UNC13C: variants seen among roughly 807,000 people sequenced by gnomAD.
UNC13C encodes unc-13 homolog C, also known as protein unc-13 homolog C.
In UNC13C, 174 loss-of-function variants were observed where a neutral mutation model predicts 245.4. The observed-to-expected ratio is 0.71, with a 90% CI of 0.63 to 0.80. UNC13C has a LOEUF of 0.80. UNC13C is among the 30% of genes least tolerant of loss of function. UNC13C has a pLI of 0.00. For missense variants in UNC13C, 2,829 were observed against 2,602.9 expected (o/e 1.09, Z -1.89); for synonymous variants, 992 against 895.1 (o/e 1.11, Z -1.93).
At chr15:54,500,394 A>G (rs1894153141) in intron 21 of UNC13C, among the ~76,000 whole-genome samples, 1 of 151,042 alleles carries the variant, frequency 6.6e-6, no homozygotes, top group Non-Finnish European at 1.5e-5. Context: ...TTTTCCCAAG[A>G]TTTTCTTTAA....
At chr15:54,612,363 T>C (rs1037492596) in intron 30 of UNC13C, among the ~76,000 whole-genome samples, 7 of 152,054 alleles carry the variant, frequency 4.6e-5, no homozygotes, top group Non-Finnish European at 1.0e-4. Flanking sequence ...TGTCTATTTC[T>C]TTCTTCATTT....
At chr15:54,408,507 A>G (rs2040353638) in intron 18 of UNC13C, among the ~76,000 whole-genome samples, 1 of 152,192 alleles carries the variant, frequency 6.6e-6, no homozygotes, top group Non-Finnish European at 1.5e-5. Flanking sequence ...CCATCTTTTA[A>G]AAGAACTCAC....
At chr15:54,383,921 CAA>C (rs199592849) in intron 17 of UNC13C, among the ~76,000 whole-genome samples, 2 of 151,472 alleles carry the variant, frequency 1.3e-5, no homozygotes, top group Non-Finnish European at 3.0e-5. Flanking sequence ...TCAATAGCTG[CAA>C]AAAAATACCT....
Position 54,065,457 on chromosome 15 carries a change from C to T in UNC13C, c.2983+49571C>T, listed in dbSNP as rs781146640. Among the ~76,000 whole-genome samples the T allele has an allele frequency of 6.6e-5, 10 of 152,200 alleles. No individual in the cohort carries two copies. In the East Asian group the frequency reaches 9.6e-4, roughly 15 times the overall value. ...ACCATGCTAAGGTGACACAGAATATCGGGCCTGAGCCCTTTCTTTGATATC... is the reference window on the plus strand; with the variant it reads ...ACCATGCTAAGGTGACACAGAATATTGGGCCTGAGCCCTTTCTTTGATATC... On this transcript the variant is annotated intron_variant, in intron 2 of 32. Transcript: ENST00000260323.
chr15:54,591,280 G>T (rs1898774505), intron 30 of UNC13C, among the ~76,000 whole-genome samples: 1 of 151,958 alleles, frequency 6.6e-6, no homozygotes, highest in South Asian at 2.1e-4. Context: ...CCTGGTTTTG[G>T]TATTAGGGTG....
chr15:54,300,960 TA>T (rs374129114), intron 13 of UNC13C, among the ~76,000 whole-genome samples: 2 of 150,882 alleles, frequency 1.3e-5, no homozygotes, highest in Non-Finnish European at 2.9e-5. Context: ...GCAAACAGTA[TA>T]AAAAATGTGA....
chr15:54,143,162 C>A (rs1029265884), intron 3 of UNC13C, 122 bp downstream of exon 3: 1 of 953,016 alleles, frequency 1.0e-6, no homozygotes, highest in African/African-American at 1.6e-5. Context: ...GTTATCCCAG[C>A]TTTCCATTAT....
At chr15:54,583,458 C>T (rs561662357) in intron 30 of UNC13C, among the ~76,000 whole-genome samples, 18 of 152,198 alleles carry the variant, frequency 1.2e-4, no homozygotes, top group African/African-American at 4.3e-4. Flanking sequence ...ACATATGTCC[C>T]TCGATTTTTT....
chr15:54,456,501 T>C (rs1891536189), intron 19 of UNC13C, among the ~76,000 whole-genome samples: 1 of 152,162 alleles, frequency 6.6e-6, no homozygotes, highest in South Asian at 2.1e-4. Flanking sequence ...ATGTTTCAAT[T>C]TGTTTGTATC....
intron 18 of UNC13C, among the ~76,000 whole-genome samples, chr15:54,395,988 T>C (rs1450731488): frequency 3.3e-5 from 5 of 151,770 alleles, no homozygotes; most frequent in Non-Finnish European, 7.4e-5. Context: ...GAATTTTAGA[T>C]GTTTTAGAAA....
intron 19 of UNC13C, among the ~76,000 whole-genome samples, chr15:54,456,236 C>T (rs1596407629): frequency 6.6e-6 from 1 of 152,272 alleles, no homozygotes; most frequent in African/African-American, 2.4e-5. Flanking sequence ...CAATATCATG[C>T]TGTTTTGATA....
At chr15:53,960,067 C>CT in the UNC13C span, among the ~76,000 whole-genome samples, 1 of 152,174 alleles carries the variant, frequency 6.6e-6, no homozygotes, top group African/African-American at 2.4e-5. Context: ...CTTACCCTCT[C>CT]TGAGACACTA....
intron 19 of UNC13C, among the ~76,000 whole-genome samples, chr15:54,455,213 A>C (rs1275186569): frequency 0.013 from 623 of 49,732 alleles, 4 homozygotes; most frequent in Non-Finnish European, 0.016. Flanking sequence ...CTCTATATAT[A>C]TATATATATA....
At chr15:54,428,346 C>T (rs979764098) in intron 19 of UNC13C, among the ~76,000 whole-genome samples, 2 of 151,640 alleles carry the variant, frequency 1.3e-5, no homozygotes, top group Non-Finnish European at 3.0e-5. Flanking sequence ...TGACTCCCAG[C>T]TCATCCCTTT....
intron 2 of UNC13C, among the ~76,000 whole-genome samples, chr15:54,026,769 C>G (rs182325125): frequency 6.6e-6 from 1 of 152,086 alleles, no homozygotes; most frequent in African/African-American, 2.4e-5. Flanking sequence ...CAAACCTAGA[C>G]TGTTATATAT....
chr15:54,246,594 AT>A (rs1402136325), intron 7 of UNC13C, among the ~76,000 whole-genome samples: 2 of 152,188 alleles, frequency 1.3e-5, no homozygotes, highest in Non-Finnish European at 2.9e-5. Flanking sequence ...CTTTATTATA[AT>A]CTTAAAATAC....
intron 18 of UNC13C, among the ~76,000 whole-genome samples, chr15:54,413,704 A>G (rs2175491): frequency 0.35 from 52,798 of 151,942 alleles, 9,558 homozygotes; most frequent in East Asian, 0.61. Context: ...AATTTTGATG[A>G]AAATATGGAC....
chr15:54,265,290 T>C, intron 9 of UNC13C, 65 bp from the exon 10 acceptor site: 15 of 1,277,090 alleles, frequency 1.2e-5, no homozygotes, highest in Non-Finnish European at 1.5e-5. Flanking sequence ...AAATTGTCTT[T>C]GTTATTATTA....
At chr15:54,455,727 T>C (rs1891485004) in intron 19 of UNC13C, among the ~76,000 whole-genome samples, 1 of 152,038 alleles carries the variant, frequency 6.6e-6, no homozygotes, top group Admixed American at 6.6e-5. Flanking sequence ...ATGATTATTA[T>C]TTTGCTGATT....
Sources: gnomAD v4.1 joint callset for allele counts (sites outside exome capture counted in the v4.1 genomes callset) on GRCh38, gnomAD v4.1.1 for gene constraint, MANE v1.5 for transcripts, NCBI Gene and HGNC (gene_info 2026-07-23, HGNC 2026-07-21) for gene names.